The following ZKSCAN5 variants were observed in gnomAD, a reference collection of about 807,000 sequenced individuals.
The protein encoded by ZKSCAN5 is zinc finger with KRAB and SCAN domains 5.
A neutral mutation model predicts 60.0 loss-of-function variants in ZKSCAN5; 28 were observed. That is an observed-to-expected ratio of 0.47 (90% confidence interval 0.35 to 0.64). The LOEUF (loss-of-function observed/expected upper bound fraction) is 0.64, where lower values mean the gene tolerates loss of function less well. Among genes scored for constraint, ZKSCAN5 ranks in the 30% least tolerant of loss-of-function variants. The pLI is 0.01. For synonymous variants in ZKSCAN5, 361 were observed against 371.2 expected (o/e 0.97, Z 0.31); for missense variants, 881 against 1,034.6 (o/e 0.85, Z 2.04).
At chr7:99,529,017 T>C (rs3843540) in intron 6 of ZKSCAN5, among the ~76,000 whole-genome samples, 47,489 of 152,080 alleles carry the variant, frequency 0.31, 10,680 homozygotes, top group African/African-American at 0.63. Context: ...TGCTTCTTGT[T>C]GGCTCATTTT....
In ZKSCAN5 at chr7:99,532,902, T is replaced by C. The variant is rs1202061339; in HGVS notation, c.*653T>C. The C allele has an allele frequency of 6.1e-6, 1 of 162,812 alleles. No individual in the cohort carries two copies. The highest frequency in any genetic ancestry group is 1.3e-5 in the Non-Finnish European group (1 of 74,242). 10.1% of individuals were successfully genotyped at this position (162,812 alleles called of 1,614,324 possible). ...CTTCTCTGTGAAACACTCTACCTTG[T>C]TTTTGGTTTGATTCTACTGATGTCA... On this transcript the variant is annotated 3_prime_UTR_variant, in exon 7 of 7. Coordinates refer to ENST00000326775, the MANE Select transcript of ZKSCAN5 (RefSeq NM_145102.4).
chr7:99,515,484 A>G (rs1801223859), intron 3 of ZKSCAN5, among the ~76,000 whole-genome samples: 1 of 152,116 alleles, frequency 6.6e-6, no homozygotes, highest in Non-Finnish European at 1.5e-5. Context: ...GTATGCCAAC[A>G]GGTAATCCTT....
chr7:99,514,971 A>G (rs1388658730), intron 3 of ZKSCAN5, among the ~76,000 whole-genome samples: 7 of 151,022 alleles, frequency 4.6e-5, no homozygotes, highest in Admixed American at 1.3e-4. Flanking sequence ...TCCCGGCTAT[A>G]CCAGAGGCTG....
intron 3 of ZKSCAN5, among the ~76,000 whole-genome samples, chr7:99,518,861 A>C (rs1801387862): frequency 6.6e-6 from 1 of 151,164 alleles, no homozygotes; most frequent in Admixed American, 6.6e-5. Context: ...TTTTTAGTAG[A>C]GATGAGGTTT....
At position 99,525,971 on chromosome 7, in the gene ZKSCAN5, G is replaced by A. The variant is rs1467464458; in HGVS notation, c.931G>A (p.Val311Ile). ...DLKGMVQRWQVNPTVGKSRQN... is the reference protein window; with the variant it reads ...DLKGMVQRWQINPTVGKSRQN... ...TAAAGGCATGGTACAAAGGTGGCAG[G>A]TCAACCCCACTGTGGGGAAATCAAG... The change falls in exon 6 of 7, where the codon GTC (valine) becomes ATC (isoleucine). Residue 311 changes from valine to isoleucine, a missense_variant. Physicochemically the swap from Val to Ile is conservative, Grantham distance 29. Transcript: ENST00000326775. The A allele has an allele frequency of 1.9e-6, 3 of 1,614,054 alleles. No individual in the cohort carries two copies. The highest frequency in any genetic ancestry group is 3.3e-4 in the Middle Eastern group (2 of 6,062).
intron 3 of ZKSCAN5, among the ~76,000 whole-genome samples, chr7:99,517,168 C>T (rs759208351): frequency 2.0e-5 from 3 of 152,104 alleles, no homozygotes; most frequent in Non-Finnish European, 2.9e-5. Context: ...CAGGTTCAAG[C>T]GATTCTTCTG....
At chr7:99,529,630 G>A (rs1289429811) in intron 6 of ZKSCAN5, among the ~76,000 whole-genome samples, 1 of 152,204 alleles carries the variant, frequency 6.6e-6, no homozygotes, top group East Asian at 1.9e-4. Context: ...GGTTCTTGAA[G>A]AAGTCTCCAT....
intron 6 of ZKSCAN5, among the ~76,000 whole-genome samples, chr7:99,529,062 G>A (rs958925494): frequency 6.6e-6 from 1 of 152,156 alleles, no homozygotes; most frequent in Non-Finnish European, 1.5e-5. Flanking sequence ...GATATTCCCT[G>A]ACTGCATACC....
chr7:99,519,732 G>T, intron 3 of ZKSCAN5, 95 bp from the exon 4 acceptor site: 1 of 1,233,704 alleles, frequency 8.1e-7, no homozygotes, highest in South Asian at 1.3e-5. Context: ...GGCGCAGTAG[G>T]GGCCATTATG....
In ZKSCAN5 at chr7:99,533,501, A is replaced by G; in HGVS notation, c.*1252A>G. 2.4e-6 allele frequency: 1 copy of G among 415,876 alleles called. No individual in the cohort carries two copies. Among genetic ancestry groups the G allele is most frequent in the East Asian group, 3.4e-5 (1 of 29,280 alleles). 25.8% of individuals were successfully genotyped at this position (415,876 alleles called of 1,614,324 possible). Reference sequence around the variant, plus strand: ...GTGCCCTGTCCAGTCCCCTCTACCAAGCTGAGACCCCCATCCCCAGCTGCT... The same window carrying G: ...GTGCCCTGTCCAGTCCCCTCTACCAGGCTGAGACCCCCATCCCCAGCTGCT... On this transcript the variant is annotated 3_prime_UTR_variant, in exon 7 of 7. Coordinates refer to ENST00000326775, the MANE Select transcript of ZKSCAN5 (RefSeq NM_145102.4).
intron 5 of ZKSCAN5, among the ~76,000 whole-genome samples, chr7:99,525,214 G>A (rs1191641298): frequency 6.6e-6 from 1 of 151,526 alleles, no homozygotes; most frequent in Non-Finnish European, 1.5e-5. Context: ...GCTCACGTCT[G>A]TAATCCCAGC....
At chr7:99,521,407 A>G (rs1164406025) in intron 5 of ZKSCAN5, among the ~76,000 whole-genome samples, 1 of 152,128 alleles carries the variant, frequency 6.6e-6, no homozygotes, top group Non-Finnish European at 1.5e-5. Context: ...CATATTGGCC[A>G]GGCTGGTCTC....
chr7:99,527,505 T>C (rs1401292028), intron 6 of ZKSCAN5, among the ~76,000 whole-genome samples: 1 of 152,206 alleles, frequency 6.6e-6, no homozygotes, highest in Admixed American at 6.5e-5. Flanking sequence ...GTAGTCGTAC[T>C]CAGAATTAAA....
Position 99,506,022 on chromosome 7 carries a change from C to T in ZKSCAN5, c.-23C>T. The T allele has an allele frequency of 6.2e-7, 1 of 1,605,524 alleles. No homozygotes were observed. Among genetic ancestry groups the T allele is most frequent in the Non-Finnish European group, 8.5e-7 (1 of 1,174,614 alleles). ...TGTTTCAGTGTAACACAGCCAGCCT[C>T]GAAGACTTCCCTCTGAGTTGGAATG... is the stretch of plus-strand genomic sequence containing the variant. On this transcript the variant is annotated 5_prime_UTR_variant, in exon 2 of 7. Coordinates refer to ENST00000326775, the MANE Select transcript of ZKSCAN5 (RefSeq NM_145102.4).
chr7:99,507,690 A>C (rs1390334755), intron 2 of ZKSCAN5, among the ~76,000 whole-genome samples: 1 of 151,558 alleles, frequency 6.6e-6, no homozygotes, highest in African/African-American at 2.4e-5. Flanking sequence ...ACTTAAGACC[A>C]GGAGTTCCAC....
chr7:99,527,266 A>G (rs1801832945), intron 6 of ZKSCAN5, among the ~76,000 whole-genome samples: 1 of 152,160 alleles, frequency 6.6e-6, no homozygotes, highest in Non-Finnish European at 1.5e-5. Flanking sequence ...GAAGTTCAAG[A>G]CTACAGTGAG....
chr7:99,520,242 A>T lies in ZKSCAN5; in HGVS notation c.710A>T (p.Gln237Leu), dbSNP rs971871854. ...FILEEWGHLD[Q>L]SQKSLYRDDR... ...CTGGAGGAATGGGGGCATTTGGACC[A>T]GTCCCAGAAGTCCCTTTATAGGGAT... Residue 237 changes from glutamine (Q) to leucine (L), a missense_variant, in exon 5 of 7, where the codon CAG becomes CTG. Coordinates refer to ENST00000326775, the MANE Select transcript of ZKSCAN5 (RefSeq NM_145102.4). 31 of 1,614,084 alleles carry T rather than the reference A, an allele frequency of 1.9e-5. No individual in the cohort carries two copies. Among genetic ancestry groups the T allele is most frequent in the Non-Finnish European group, 2.6e-5 (31 of 1,180,046 alleles).
chr7:99,524,158 C>T (rs944475424), intron 5 of ZKSCAN5, among the ~76,000 whole-genome samples: 4 of 151,344 alleles, frequency 2.6e-5, no homozygotes, highest in African/African-American at 9.7e-5. Flanking sequence ...GCAACCTCTG[C>T]CTCCTGGGTT....
rs1355067873 is a variant in ZKSCAN5, at chr7:99,526,515, T to G, written c.1378+97T>G. 2.0e-6 allele frequency: 3 copies of G among 1,486,210 alleles called. No homozygotes were observed. The African/African-American group carries it at 4.2e-5, about 21-fold the overall frequency. 92.1% of individuals were successfully genotyped at this position (1,486,210 alleles called of 1,614,324 possible). A position where few individuals can be genotyped will look rare whatever the true frequency, so the allele number is the denominator to read the frequency against. ...CAACAGGACAGATGGGTGGTGATAC[T>G]GGGGGGGGTAGGAAGAGGCAAAGGT... On this transcript the variant is annotated intron_variant, in intron 6 of 6. Transcript: ENST00000326775.
Sources: gnomAD v4.1 joint callset for allele counts (sites outside exome capture counted in the v4.1 genomes callset) on GRCh38, gnomAD v4.1.1 for gene constraint, MANE v1.5 for transcripts, NCBI Gene and HGNC (gene_info 2026-07-23, HGNC 2026-07-21) for gene names.